IPMK: variants seen among roughly 807,000 people sequenced by gnomAD.
The protein encoded by IPMK is inositol polyphosphate multikinase.
Under a neutral mutation model 45.8 loss-of-function variants are expected in IPMK, and 17 were observed. The ratio of observed to expected loss-of-function variants is 0.37; its 90% CI spans 0.25 to 0.56. The LOEUF (loss-of-function observed/expected upper bound fraction) is 0.56, where lower values mean the gene tolerates loss of function less well. Among genes scored for constraint, IPMK ranks in the 20% least tolerant of loss-of-function variants. The probability of loss-of-function intolerance (pLI) is 0.79; values close to 1 mark genes in which losing one functional copy is unlikely to be tolerated. For missense variants in IPMK, 399 were observed against 498.0 expected (o/e 0.80, Z 1.89); for synonymous variants, 180 against 184.3 (o/e 0.98, Z 0.19).
At chr10:58,261,519 C>T (rs1005672383) in intron 1 of IPMK, among the ~76,000 whole-genome samples, 3 of 151,212 alleles carry the variant, frequency 2.0e-5, no homozygotes, top group African/African-American at 7.3e-5. Flanking sequence ...CAAATGAATA[C>T]TACTACTGCG....
chr10:58,197,762 G>A (rs1002425992), intron 5 of IPMK, among the ~76,000 whole-genome samples: 10 of 152,146 alleles, frequency 6.6e-5, no homozygotes, highest in Admixed American at 6.5e-4. Flanking sequence ...GCTGGGCGCA[G>A]TGGCTCACGC....
rs1285696655 is a variant in IPMK at position 58,196,227 on chromosome 10, T to C, written c.1100A>G (p.Tyr367Cys). The change falls in exon 6 of 6, where the codon TAC becomes TGC. Residue 367 changes from tyrosine to cysteine, a missense_variant. Tyr to Cys is a radical substitution (Grantham distance 194). Coordinates refer to ENST00000373935, the MANE Select transcript of IPMK (RefSeq NM_152230.5). ...CTCTTGGCAACCAGTGGGAAGATGGTAGAAAACTTTTTCCAGTTGGGAAAG... is the reference window on the plus strand; with the variant it reads ...CTCTTGGCAACCAGTGGGAAGATGGCAGAAAACTTTTTCCAGTTGGGAAAG... Reference protein sequence around the residue: ...NVLSQLEKVFYHLPTGCQEIA... With the variant: ...NVLSQLEKVFCHLPTGCQEIA... 1.2e-6 allele frequency: 2 copies of C among 1,613,964 alleles called. No homozygotes were observed. Among genetic ancestry groups the C allele is most frequent in the African/African-American group, 2.7e-5 (2 of 74,948 alleles).
intron 1 of IPMK, among the ~76,000 whole-genome samples, chr10:58,262,212 G>T (rs556939789): frequency 3.3e-5 from 5 of 152,246 alleles, no homozygotes; most frequent in Admixed American, 3.3e-4. Context: ...CCTGCACGTT[G>T]TGCACATGTA....
chr10:58,258,556 G>GT (rs1298534800), intron 1 of IPMK, among the ~76,000 whole-genome samples: 1 of 152,078 alleles, frequency 6.6e-6, no homozygotes, highest in Non-Finnish European at 1.5e-5. Context: ...CACAATGGAA[G>GT]TAACAGTAAG....
chr10:58,194,095 T>C lies in IPMK; in HGVS notation c.*1981A>G, dbSNP rs1342621950. On this transcript the variant is annotated 3_prime_UTR_variant, in exon 6 of 6. Transcript: ENST00000373935. Reference sequence around the variant, plus strand: ...ATTTCCAAATGCAGATAAAAAAATCTTGAACATTAAGATTTTATTGAGCTA... The same window carrying C: ...ATTTCCAAATGCAGATAAAAAAATCCTGAACATTAAGATTTTATTGAGCTA... 4 of 151,886 alleles carry C rather than the reference T, an allele frequency of 2.6e-5. No individual in the cohort carries two copies. Among genetic ancestry groups the C allele is most frequent in the Non-Finnish European group, 5.9e-5 (4 of 67,752 alleles). 9.4% of individuals were successfully genotyped at this position (151,886 alleles called of 1,614,324 possible). A position where few individuals can be genotyped will look rare whatever the true frequency, so the allele number is the denominator to read the frequency against.
At chr10:58,229,228 G>C (rs35207619) in intron 2 of IPMK, among the ~76,000 whole-genome samples, 2 of 152,082 alleles carry the variant, frequency 1.3e-5, no homozygotes, top group South Asian at 4.1e-4. Context: ...TTAAATACTA[G>C]GAAAAGCTTT....
intron 1 of IPMK, among the ~76,000 whole-genome samples, chr10:58,256,513 T>C (rs954169208): frequency 2.6e-5 from 4 of 152,174 alleles, no homozygotes; most frequent in African/African-American, 9.7e-5. Flanking sequence ...TCATCAGTAA[T>C]TCTAATTTCG....
chr10:58,237,845 G>A, intron 1 of IPMK, 31 bp from the exon 2 acceptor site: 1 of 1,473,668 alleles, frequency 6.8e-7, no homozygotes, highest in Non-Finnish European at 9.5e-7. Flanking sequence ...ATTGTTTAAT[G>A]CTTTAATAAT....
At chr10:58,222,743 G>A (rs746287744) in intron 3 of IPMK, among the ~76,000 whole-genome samples, 5 of 152,088 alleles carry the variant, frequency 3.3e-5, no homozygotes, top group African/African-American at 4.8e-5. Context: ...AAAATACCAC[G>A]TGTTCAGAAA....
intron 1 of IPMK, among the ~76,000 whole-genome samples, chr10:58,243,904 A>ATG (rs1838740526): frequency 9.2e-6 from 1 of 109,212 alleles, no homozygotes; most frequent in African/African-American, 3.6e-5. Context: ...CCCGGCCACC[A>ATG]CCCCGTCTAG....
At chr10:58,207,520 G>A (rs939647521) in intron 4 of IPMK, among the ~76,000 whole-genome samples, 4 of 152,306 alleles carry the variant, frequency 2.6e-5, no homozygotes, top group Middle Eastern at 6.8e-3. Context: ...GTGTAAAAGT[G>A]TTCTCTTTTC....
At chr10:58,258,738 G>A (rs1437723552) in intron 1 of IPMK, among the ~76,000 whole-genome samples, 1 of 152,012 alleles carries the variant, frequency 6.6e-6, no homozygotes, top group Non-Finnish European at 1.5e-5. Flanking sequence ...TACTTAAAGG[G>A]AAATGGGCAG....
At chr10:58,220,343 A>G (rs1414057615) in intron 3 of IPMK, among the ~76,000 whole-genome samples, 1 of 152,158 alleles carries the variant, frequency 6.6e-6, no homozygotes, top group Non-Finnish European at 1.5e-5. Flanking sequence ...CTTTCATAAG[A>G]CACCCTCATA....
intron 2 of IPMK, 66 bp downstream of exon 2, chr10:58,237,663 T>C: frequency 3.4e-6 from 4 of 1,160,096 alleles, no homozygotes; most frequent in Non-Finnish European, 5.2e-6. Flanking sequence ...TGTCTTACTG[T>C]GAGTCACCAC....
At chr10:58,238,596 A>G (rs928734641) in intron 1 of IPMK, among the ~76,000 whole-genome samples, 11 of 152,248 alleles carry the variant, frequency 7.2e-5, no homozygotes, top group Non-Finnish European at 1.5e-4. Context: ...TAGAATTTCA[A>G]TTAAATATGC....
At chr10:58,239,660 C>A (rs1588965928) in intron 1 of IPMK, among the ~76,000 whole-genome samples, 1 of 152,142 alleles carries the variant, frequency 6.6e-6, no homozygotes, top group Non-Finnish European at 1.5e-5. Context: ...TGCAACATAA[C>A]CCCTCACGTT....
chr10:58,231,375 G>A (rs1255106156), intron 2 of IPMK, among the ~76,000 whole-genome samples: 2 of 152,082 alleles, frequency 1.3e-5, no homozygotes, highest in Admixed American at 6.5e-5. Flanking sequence ...ACACATAATT[G>A]TCAGATTCAC....
At chr10:58,262,652 G>A (rs1186946833) in intron 1 of IPMK, among the ~76,000 whole-genome samples, 1 of 152,164 alleles carries the variant, frequency 6.6e-6, no homozygotes, top group Admixed American at 6.5e-5. Flanking sequence ...AGAAAGTTAT[G>A]AGATAATTCT....
chr10:58,259,678 A>AAAAAAAAAAAAAAAAAAAAAAAAAAAAAC (rs984861270), intron 1 of IPMK, among the ~76,000 whole-genome samples: 1 of 144,496 alleles, frequency 6.9e-6, no homozygotes, highest in African/African-American at 2.7e-5. Flanking sequence ...ACATAAAAAA[A>AAAAAAAAAAAAAAAAAAAAAAAAAAAAAC]AAAAAAAAAC....
Sources: allele counts gnomAD v4.1 joint callset (sites outside exome capture counted in the v4.1 genomes callset), GRCh38; gene constraint gnomAD v4.1.1; transcripts MANE v1.5; gene names NCBI Gene and HGNC (gene_info 2026-07-23, HGNC 2026-07-21).